Variants in ITGB4 observed in about 807,000 individuals in gnomAD.
The protein encoded by ITGB4 is integrin subunit beta 4.
In ITGB4, 159 loss-of-function variants were observed where a neutral mutation model predicts 207.6. The observed-to-expected ratio is 0.77, with a 90% CI of 0.67 to 0.87. ITGB4 has a LOEUF of 0.87. Among genes scored for constraint, ITGB4 ranks in the 40% least tolerant of loss-of-function variants. The pLI is 0.00. For synonymous variants in ITGB4, 1,020 were observed against 1,062.7 expected (o/e 0.96, Z 0.78); for missense variants, 2,278 against 2,546.8 (o/e 0.89, Z 2.27).
In ITGB4 at chr17:75,750,361, T is replaced by A. The variant is rs2061340515; in HGVS notation, c.3474+93T>A. The A allele has an allele frequency of 7.6e-7, 1 of 1,323,248 alleles. No individual in the cohort carries two copies. The highest frequency in any genetic ancestry group is 1.0e-6 in the Non-Finnish European group (1 of 962,646). The allele number at this position is 1,323,248 out of a possible 1,614,324, so 82.0% of individuals were successfully genotyped here. ...TGGGCCGTCCAAGGCCAGGGCCCCCTGAGAGAGAGCAGACAGTGGAACCTA... is the reference window on the plus strand; with the variant it reads ...TGGGCCGTCCAAGGCCAGGGCCCCCAGAGAGAGAGCAGACAGTGGAACCTA... On this transcript the variant is annotated intron_variant, in intron 28 of 39. Coordinates refer to ENST00000200181, the MANE Select transcript of ITGB4 (RefSeq NM_000213.5). This position sits in a 1 kb window ranked among gnomAD's most constrained non-coding sequence, Gnocchi z 5.5.
At chr17:75,725,786 G>C (rs1368509762) in intron 2 of ITGB4, among the ~76,000 whole-genome samples, 2 of 152,230 alleles carry the variant, frequency 1.3e-5, no homozygotes, top group African/African-American at 4.8e-5. Flanking sequence ...CTGTGTGCCA[G>C]GTGTGCCGGG....
chr17:75,730,953 G>A lies in ITGB4; in HGVS notation c.1081G>A (p.Glu361Lys). The A allele has an allele frequency of 6.2e-7, 1 of 1,613,666 alleles. No individual in the cohort carries two copies. The highest frequency in any genetic ancestry group is 8.5e-7 in the Non-Finnish European group (1 of 1,179,806). Residue 361 changes from glutamate to lysine, a missense_variant, in exon 9 of 40, where the codon GAG becomes AAG. Physicochemically the swap from Glu to Lys is moderately conservative, Grantham distance 56. Transcript: ENST00000200181. ...DSSNIVELLEEAFNRIRSNLD... is the reference protein window; with the variant it reads ...DSSNIVELLEKAFNRIRSNLD... ...GTCCAACATCGTGGAGCTGCTGGAG[G>A]AGGCCTTCAATGTGAGGGCAGCTCA...
rs752438746 is a variant in ITGB4, at chr17:75,755,158, C to A, written c.4558+343C>A. The A allele has an allele frequency of 6.2e-6, 10 of 1,611,632 alleles. No individual in the cohort carries two copies. In the East Asian group the frequency reaches 2.2e-4, roughly 36 times the overall value. The stretch of plus-strand genomic sequence containing the variant: ...TGAAAGGGTTCCCCCCTTCCAGGGG[C>A]CCACGAGACTCTATAATCCTGGCTG... On this transcript the variant is annotated intron_variant, in intron 34 of 39. Transcript: ENST00000200181.
At position 75,753,882 on chromosome 17, in the gene ITGB4, A is replaced by T; in HGVS notation, c.4226A>T (p.Asp1409Val). The T allele has an allele frequency of 7.6e-7, 1 of 1,320,800 alleles. No individual in the cohort carries two copies. Among genetic ancestry groups the T allele is most frequent in the Admixed American group, 3.6e-5 (1 of 27,588 alleles). The allele number at this position is 1,320,800 out of a possible 1,614,324, so 81.8% of individuals were successfully genotyped here. Residue 1409 changes from aspartate to valine, a missense_variant, in exon 33 of 40, where the codon GAC (aspartate) becomes GTC (valine). Transcript: ENST00000200181. Reference sequence around the variant, plus strand: ...TCGGCCAGCAGCGGGCGCTCCTCCGACGCCGAGGCGCCCCACGGGCCCCCG... The same window carrying T: ...TCGGCCAGCAGCGGGCGCTCCTCCGTCGCCGAGGCGCCCCACGGGCCCCCG... ...RLSASSGRSS[D>V]AEAPHGPPDD...
intron 12 of ITGB4, among the ~76,000 whole-genome samples, chr17:75,733,289 G>A (rs369540276): frequency 1.3e-5 from 2 of 150,874 alleles, no homozygotes; most frequent in African/African-American, 4.9e-5. Context: ...AGGAGGCTGA[G>A]GCAGGAGAAT....
intron 34 of ITGB4, chr17:75,755,021 C>G (rs984397035): frequency 6.3e-7 from 1 of 1,584,458 alleles, no homozygotes; most frequent in African/African-American, 1.3e-5. Context: ...TGCACACTCC[C>G]TGCTCCTCTC....
chr17:75,743,084 C>T (rs1223119108), intron 25 of ITGB4, among the ~76,000 whole-genome samples: 1 of 152,134 alleles, frequency 6.6e-6, no homozygotes, highest in African/African-American at 2.4e-5. Context: ...GACCCCTCCT[C>T]CCACCTGTGC....
Position 75,757,072 on chromosome 17 carries a change from G to T in ITGB4, c.5183G>T (p.Arg1728Leu), listed in dbSNP as rs767247375. 8.1e-6 allele frequency: 13 copies of T among 1,612,836 alleles called. No homozygotes were observed. Among genetic ancestry groups the T allele is most frequent in the Non-Finnish European group, 1.0e-5 (12 of 1,179,934 alleles). ...ACCACTGAGGGCTTCGGGCCAGAGC[G>T]CGAGGGCATCATCACCATAGAGTCC... ...ARTTEGFGPEREGIITIESQD... is the reference protein window; with the variant it reads ...ARTTEGFGPELEGIITIESQD... The change falls in exon 38 of 40, where the codon CGC becomes CTC. Residue 1728 changes from arginine (R) to leucine (L), a missense_variant. Coordinates refer to ENST00000200181, the MANE Select transcript of ITGB4 (RefSeq NM_000213.5).
At chr17:75,741,841 T>C (rs1325499591) in intron 23 of ITGB4, among the ~76,000 whole-genome samples, 4 of 152,024 alleles carry the variant, frequency 2.6e-5, no homozygotes, top group Non-Finnish European at 5.9e-5. Context: ...CCAGCATTTC[T>C]TATCCTGCTA....
chr17:75,730,910 G>A lies in ITGB4; in HGVS notation c.1038G>A (p.Gly346=), dbSNP rs1261955974. 3 of 1,613,838 alleles carry A rather than the reference G, an allele frequency of 1.9e-6. No homozygotes were observed. Among genetic ancestry groups the A allele is most frequent in the Non-Finnish European group, 2.5e-6 (3 of 1,179,982 alleles). The change falls in exon 9 of 40, where the codon GGG becomes GGA. Residue 346 remains glycine, a synonymous_variant. Transcript: ENST00000200181. ...LHTYFPVSSL[G]VLQEDSSNIV... is the part of the protein sequence containing the mutation. The stretch of plus-strand genomic sequence containing the variant: ...CCTATTTCCCTGTCTCCTCACTGGG[G>A]GTGCTGCAGGAGGACTCGTCCAACA...
Position 75,729,234 on chromosome 17 carries a change from G to A in ITGB4, c.567-31G>A. The A allele has an allele frequency of 1.2e-6, 2 of 1,608,718 alleles. No individual in the cohort carries two copies. Among genetic ancestry groups the A allele is most frequent in the Non-Finnish European group, 1.7e-6 (2 of 1,175,934 alleles). On this transcript the variant is annotated intron_variant, in intron 6 of 39. Coordinates refer to ENST00000200181, the MANE Select transcript of ITGB4 (RefSeq NM_000213.5). This position sits in a 1 kb window ranked among gnomAD's most constrained non-coding sequence, Gnocchi z 4.4. ...GGGGTCTGCGGCGTCTTCCCCCTGT[G>A]ACACTCTCTCTCCCTCCCACCTCTG...
intron 5 of ITGB4, 67 bp from the exon 6 acceptor site, chr17:75,728,310 T>G: frequency 7.3e-7 from 1 of 1,375,808 alleles, no homozygotes. Context: ...CAGCCCTTGG[T>G]GGGGGGCCCG....
rs2060846886 is a variant in ITGB4, at chr17:75,731,131, G to A, written c.1093-115G>A. The A allele has an allele frequency of 6.4e-7, 1 of 1,567,364 alleles. No individual in the cohort carries two copies. On this transcript the variant is annotated intron_variant, in intron 9 of 39. Transcript: ENST00000200181. The surrounding 1 kb of genome is among the most constrained non-coding windows in gnomAD (Gnocchi z 6.8). ...AGGCCCCGAGGGGCCACCTGGGCCTGGCCCTGGCTCCTGCAGGCTCTGTGA... is the reference window on the plus strand; with the variant it reads ...AGGCCCCGAGGGGCCACCTGGGCCTAGCCCTGGCTCCTGCAGGCTCTGTGA...
Position 75,742,649 on chromosome 17 carries a change from C to A in ITGB4, c.2850C>A (p.Ile950=). ...TGGACGTACGGGTGCCCCTCTTTAT[C>A]CGGCCTGAGGATGACGACGAGAAGC... ...ELVDVRVPLF[I]RPEDDDEKQL... is the part of the protein sequence containing the mutation. The change falls in exon 25 of 40, where the codon ATC becomes ATA. Residue 950 remains isoleucine (I), a synonymous_variant. Transcript: ENST00000200181. This position sits in a 1 kb window ranked among gnomAD's most constrained non-coding sequence, Gnocchi z 5.9. The A allele has an allele frequency of 5.0e-6, 8 of 1,614,048 alleles. No individual in the cohort carries two copies. Among genetic ancestry groups the A allele is most frequent in the Non-Finnish European group, 6.8e-6 (8 of 1,180,032 alleles).
At position 75,729,175 on chromosome 17, in the gene ITGB4, A is replaced by G; in HGVS notation, c.567-90A>G. On this transcript the variant is annotated intron_variant, in intron 6 of 39. Coordinates refer to ENST00000200181, the MANE Select transcript of ITGB4 (RefSeq NM_000213.5). This position sits in a 1 kb window ranked among gnomAD's most constrained non-coding sequence, Gnocchi z 4.4. Reference sequence around the variant, plus strand: ...CTTGGTCTCAAAAAAAAAAAAAAAAATTCTCCTTCTAGTTGAAACGAGCCA... The same window carrying G: ...CTTGGTCTCAAAAAAAAAAAAAAAAGTTCTCCTTCTAGTTGAAACGAGCCA... 8.0e-7 allele frequency: 1 copy of G among 1,249,006 alleles called. No individual in the cohort carries two copies. The highest frequency in any genetic ancestry group is 1.1e-6 in the Non-Finnish European group (1 of 901,916). The allele number at this position is 1,249,006 out of a possible 1,614,324, so 77.4% of individuals were successfully genotyped here. A position where few individuals can be genotyped will look rare whatever the true frequency, so the allele number is the denominator to read the frequency against.
chr17:75,733,716 T>C, intron 13 of ITGB4, 24 bp downstream of exon 13: 1 of 1,611,072 alleles, frequency 6.2e-7, no homozygotes, highest in Non-Finnish European at 8.5e-7. Context: ...CTGCGGCCAA[T>C]GCTGATGGCG....
At chr17:75,757,145 C>T (rs373495305) in intron 38 of ITGB4, 38 bp downstream of exon 38, 9 of 1,612,646 alleles carry the variant, frequency 5.6e-6, no homozygotes, top group African/African-American at 5.3e-5. Flanking sequence ...CACCCCTCCT[C>T]GGGCCGTGCC....
intron 34 of ITGB4, 127 bp downstream of exon 34, chr17:75,754,942 G>A (rs756289032): frequency 2.6e-5 from 39 of 1,510,268 alleles, no homozygotes; most frequent in Non-Finnish European, 3.4e-5. Flanking sequence ...ATGCACACAT[G>A]CACGCACACA....
In ITGB4 at chr17:75,729,829, AC is replaced by A. The variant is rs2060811420; in HGVS notation, c.738+396del. ...CATTTGTTCATTCTGAAAATGACAT[AC>A]CCATATTACTAGGTTAGAAAACAAA... On this transcript the variant is annotated intron_variant, in intron 7 of 39. Transcript: ENST00000200181. The surrounding 1 kb of genome is among the most constrained non-coding windows in gnomAD (Gnocchi z 4.4). 6.6e-6 allele frequency among the ~76,000 whole-genome samples: 1 copy of A among 152,198 alleles called. No individual in the cohort carries two copies. Among genetic ancestry groups the A allele is most frequent in the African/African-American group, 2.4e-5 (1 of 41,450 alleles).
Sources: gnomAD v4.1 joint callset for allele counts (sites outside exome capture counted in the v4.1 genomes callset) on GRCh38, gnomAD v4.1.1 for gene constraint, Gnocchi (gnomAD v3.1) non-coding constraint, MANE v1.5 for transcripts, NCBI Gene and HGNC (gene_info 2026-07-23, HGNC 2026-07-21) for gene names.